ZRANB1: variants seen among roughly 807,000 people sequenced by gnomAD.
ZRANB1 encodes ubiquitin thioesterase ZRANB1.
Under a neutral mutation model 80.5 loss-of-function variants are expected in ZRANB1, and 16 were observed. The observed-to-expected ratio is 0.20, with a 90% CI of 0.13 to 0.30. ZRANB1 has a LOEUF of 0.30. ZRANB1 is among the 10% of genes least tolerant of loss of function. ZRANB1 has a pLI of 1.00. For synonymous variants in ZRANB1, 291 were observed against 293.1 expected, an observed-to-expected ratio of 0.99 and a Z score of 0.07; for missense variants, 576 against 862.6, an observed-to-expected ratio of 0.67 and a Z score of 4.16.
chr10:124,943,670 C>T (rs1056054276), intron 1 of ZRANB1, among the ~76,000 whole-genome samples: 1 of 152,164 alleles, frequency 6.6e-6, no homozygotes, highest in Admixed American at 6.5e-5. Context: ...AAATTGCCCA[C>T]AATTAATTGT....
chr10:124,935,799 G>A, the ZRANB1 span, among the ~76,000 whole-genome samples: 2 of 152,126 alleles, frequency 1.3e-5, no homozygotes, highest in East Asian at 1.9e-4. Context: ...TCTACCTTCC[G>A]TGCCACTGGA....
chr10:124,934,623 T>C, the ZRANB1 span, among the ~76,000 whole-genome samples: 1 of 152,276 alleles, frequency 6.6e-6, no homozygotes, highest in South Asian at 2.1e-4. Flanking sequence ...GGCTCAGAAA[T>C]AGGAAATTCT....
chr10:124,917,525 C>G, the ZRANB1 span, among the ~76,000 whole-genome samples: 2 of 152,014 alleles, frequency 1.3e-5, no homozygotes, highest in Admixed American at 1.3e-4. Context: ...CGCCGGCCGC[C>G]CGTGGCTGGA....
the ZRANB1 span, among the ~76,000 whole-genome samples, chr10:124,923,586 A>C: frequency 6.6e-6 from 1 of 151,980 alleles, no homozygotes; most frequent in Admixed American, 6.5e-5. Context: ...GAAAAGAAAA[A>C]GAACTACCTG....
intron 1 of ZRANB1, among the ~76,000 whole-genome samples, chr10:124,944,512 A>T (rs1175214053): frequency 8.3e-5 from 8 of 96,740 alleles, no homozygotes; most frequent in African/African-American, 2.9e-4. Context: ...CCAAGATGGG[A>T]TCTCACTCTG....
chr10:124,962,206 A>C (rs1297061220), intron 1 of ZRANB1, among the ~76,000 whole-genome samples: 1 of 152,258 alleles, frequency 6.6e-6, no homozygotes, highest in Non-Finnish European at 1.5e-5. Context: ...TGGCTAGAGG[A>C]AAACCACATC....
At chr10:124,919,186 A>G in the ZRANB1 span, among the ~76,000 whole-genome samples, 2 of 152,236 alleles carry the variant, frequency 1.3e-5, no homozygotes, top group Non-Finnish European at 2.9e-5. Flanking sequence ...TCATATGTGT[A>G]ATTGATACAG....
chr10:124,937,051 T>G, the ZRANB1 span, among the ~76,000 whole-genome samples: 1 of 152,126 alleles, frequency 6.6e-6, no homozygotes, highest in Admixed American at 6.5e-5. Flanking sequence ...ACCTCCCAGG[T>G]TCAAGCAATT....
chr10:124,981,844 A>G lies in ZRANB1; in HGVS notation c.1548+15A>G, dbSNP rs1417545915. ...TTGCTAGTCAGGTGAGGATGCTTCA[A>G]GTCTTGTTGCTTCTATGAGAAAAGT... On this transcript the variant is annotated intron_variant, in intron 6 of 8. Transcript: ENST00000359653. 6.2e-7 allele frequency: 1 copy of G among 1,612,412 alleles called. No individual in the cohort carries two copies. The highest frequency in any genetic ancestry group is 1.7e-5 in the Admixed American group (1 of 59,626).
the ZRANB1 span, among the ~76,000 whole-genome samples, chr10:124,919,183 T>G: frequency 6.6e-6 from 1 of 152,232 alleles, no homozygotes; most frequent in Non-Finnish European, 1.5e-5. Flanking sequence ...GCTTCATATG[T>G]GTAATTGATA....
At chr10:124,968,679 A>G (rs1169330426) in intron 2 of ZRANB1, among the ~76,000 whole-genome samples, 1 of 152,140 alleles carries the variant, frequency 6.6e-6, no homozygotes, top group Non-Finnish European at 1.5e-5. Flanking sequence ...GCTGGTGGTG[A>G]CAGGAGCCAG....
intron 1 of ZRANB1, among the ~76,000 whole-genome samples, chr10:124,957,859 T>C (rs1951699571): frequency 6.6e-6 from 1 of 152,130 alleles, no homozygotes; most frequent in East Asian, 1.9e-4. Context: ...CCCAAGTAGC[T>C]GGGACTATAG....
intron 8 of ZRANB1, among the ~76,000 whole-genome samples, chr10:124,984,049 G>A (rs943383078): frequency 2.0e-5 from 3 of 152,134 alleles, no homozygotes; most frequent in Non-Finnish European, 2.9e-5. Flanking sequence ...GAGGGTAGGC[G>A]GCAGGGGGAG....
At chr10:124,948,327 T>C (rs1358490238) in intron 1 of ZRANB1, among the ~76,000 whole-genome samples, 1 of 152,228 alleles carries the variant, frequency 6.6e-6, no homozygotes. Context: ...GTTTATGCTA[T>C]TAGTAAGGCT....
At chr10:124,932,853 C>G in the ZRANB1 span, among the ~76,000 whole-genome samples, 7 of 152,038 alleles carry the variant, frequency 4.6e-5, no homozygotes, top group Admixed American at 4.6e-4. Context: ...GCGAGCCACC[C>G]CCCTGCATTT....
chr10:124,954,728 G>A (rs989650200), intron 1 of ZRANB1, among the ~76,000 whole-genome samples: 5 of 150,748 alleles, frequency 3.3e-5, no homozygotes, highest in African/African-American at 7.3e-5. Flanking sequence ...GATTACAGGC[G>A]TGAGTCACAG....
chr10:124,926,317 T>G, the ZRANB1 span, among the ~76,000 whole-genome samples: 2 of 152,236 alleles, frequency 1.3e-5, no homozygotes, highest in Non-Finnish European at 2.9e-5. Flanking sequence ...CTTTATAAAT[T>G]TTTAATTTTT....
At chr10:124,928,262 A>G in the ZRANB1 span, among the ~76,000 whole-genome samples, 25 of 152,328 alleles carry the variant, frequency 1.6e-4, no homozygotes, top group Middle Eastern at 6.8e-3. Flanking sequence ...TTTAGGGACT[A>G]GCAGAGGCTA....
rs200655434 is a variant in ZRANB1, at chr10:124,962,955, C to CA, written c.815-3632dup. Among the ~76,000 whole-genome samples, 1,173 of 151,864 alleles carry CA rather than the reference C, an allele frequency of 7.7e-3. 14 individuals are homozygous for CA. Among genetic ancestry groups the CA allele is most frequent in the African/African-American group, 0.027 (1,133 of 41,430 alleles). ...GCATAATACACGTTTGTTAAATTTT[C>CA]AAAAAAAGTACTAAGAGAAAGATGC... On this transcript the variant is annotated intron_variant, in intron 1 of 8. Coordinates refer to ENST00000359653, the MANE Select transcript of ZRANB1 (RefSeq NM_017580.3).
Sources: allele counts gnomAD v4.1 joint callset (sites outside exome capture counted in the v4.1 genomes callset), GRCh38; gene constraint gnomAD v4.1.1; transcripts MANE v1.5; gene names NCBI Gene and HGNC (gene_info 2026-07-23, HGNC 2026-07-21).